Variants in WEE1 observed in about 807,000 individuals in gnomAD.
WEE1 encodes WEE1 G2 checkpoint kinase, also known as wee1-like protein kinase.
WEE1 carries 16 observed loss-of-function variants against 68.8 expected under a neutral mutation model. That is an observed-to-expected ratio of 0.23 (90% CI 0.16 to 0.35). The LOEUF is 0.35. Among genes scored for constraint, WEE1 ranks in the 10% least tolerant of loss-of-function variants. The probability of loss-of-function intolerance (pLI) is 1.00; values close to 1 mark genes in which losing one functional copy is unlikely to be tolerated. For synonymous variants in WEE1, 349 were observed against 318.7 expected (o/e 1.09, Z -1.01); for missense variants, 651 against 824.1 (o/e 0.79, Z 2.57).
In WEE1 at chr11:9,582,628, A is replaced by G. The variant is rs1849640450; in HGVS notation, c.1288+950A>G. On this transcript the variant is annotated intron_variant, in intron 6 of 10. Coordinates refer to ENST00000450114, the MANE Select transcript of WEE1 (RefSeq NM_003390.4). ...GTTGCCCAGGCTGGAGTGCAGTGGC[A>G]CAGTCTCAGCTCTCTGTAACCTCTG... Among the ~76,000 whole-genome samples the G allele has an allele frequency of 2.0e-5, 3 of 152,070 alleles. No homozygotes were observed. The South Asian group carries it at 6.2e-4, about 32-fold the overall frequency.
intron 5 of WEE1, chr11:9,581,199 CATAG>C (rs1310399634): frequency 5.0e-6 from 1 of 200,536 alleles, no homozygotes; most frequent in Non-Finnish European, 9.9e-6. Flanking sequence ...AGCTGGGCAA[CATAG>C]ATAGACCCTG....
At chr11:9,583,846 T>C (rs61876835) in intron 6 of WEE1, among the ~76,000 whole-genome samples, 23,390 of 100,248 alleles carry the variant, frequency 0.23, 3,335 homozygotes, top group Non-Finnish European at 0.31. Flanking sequence ...TATATATATA[T>C]ACTTTTTTTT....
rs1849529581 is a variant in WEE1, at chr11:9,573,711, C to T, written c.-223C>T. Reference sequence around the variant, plus strand: ...ACTGGACCTGAGGAGACCTCAGCCTCGGTGCTCGGGCCGCCCCGCCTCTGC... The same window carrying T: ...ACTGGACCTGAGGAGACCTCAGCCTTGGTGCTCGGGCCGCCCCGCCTCTGC... On this transcript the variant is annotated 5_prime_UTR_variant, in exon 1 of 11. Coordinates refer to ENST00000450114, the MANE Select transcript of WEE1 (RefSeq NM_003390.4). The T allele has an allele frequency of 5.2e-6, 1 of 191,194 alleles. No individual in the cohort carries two copies. Among genetic ancestry groups the T allele is most frequent in the Non-Finnish European group, 1.0e-5 (1 of 95,738 alleles). 11.8% of individuals were successfully genotyped at this position (191,194 alleles called of 1,614,324 possible).
Position 9,574,989 on chromosome 11 carries a change from G to A in WEE1, c.576+480G>A, listed in dbSNP as rs551793822. On this transcript the variant is annotated intron_variant, in intron 1 of 10. Coordinates refer to ENST00000450114, the MANE Select transcript of WEE1 (RefSeq NM_003390.4). This position sits in a 1 kb window ranked among gnomAD's most constrained non-coding sequence, Gnocchi z 4.9. ...CCCTGATCGTGTCGTGTCGTGTGGCGTGGATGGGGGAAAGGTCTGGGGCAT... is the reference window on the plus strand; with the variant it reads ...CCCTGATCGTGTCGTGTCGTGTGGCATGGATGGGGGAAAGGTCTGGGGCAT... 3.4e-4 allele frequency: 339 copies of A among 985,872 alleles called. No individual in the cohort carries two copies. The African/African-American group carries it at 5.6e-3, about 16-fold the overall frequency. 61.1% of individuals were successfully genotyped at this position (985,872 alleles called of 1,614,324 possible).
chr11:9,578,270 G>C, intron 5 of WEE1: 1 of 168,386 alleles, frequency 5.9e-6, no homozygotes, highest in Non-Finnish European at 1.3e-5. Flanking sequence ...AACAAGACCA[G>C]TTATCTCATA....
Position 9,576,063 on chromosome 11 carries a change from G to A in WEE1, c.752G>A (p.Cys251Tyr). 6.2e-7 allele frequency: 1 copy of A among 1,614,150 alleles called. No homozygotes were observed. The highest frequency in any genetic ancestry group is 8.5e-7 in the Non-Finnish European group (1 of 1,180,014). The change falls in exon 2 of 11, where the codon TGT (cysteine) becomes TAT (tyrosine). Residue 251 changes from cysteine (C) to tyrosine (Y), a missense_variant. Around this residue, in one of 5 missense-constraint regions of WEE1, gnomAD observed 395 missense variants for 378.4 expected, o/e 1.04. Coordinates refer to ENST00000450114, the MANE Select transcript of WEE1 (RefSeq NM_003390.4). The surrounding 1 kb of genome is among the most constrained non-coding windows in gnomAD (Gnocchi z 4.3). Reference protein sequence around the residue: ...DSLLLHSSGQCRRRKRTYWND... With the variant: ...DSLLLHSSGQYRRRKRTYWND... ...TTGTTGCTTCATTCCTCAGGACAGT[G>A]TCGTCGTAGAAAGAGAACGTATTGG... is the stretch of plus-strand genomic sequence containing the variant.
At chr11:9,575,062 C>T (rs1849549566) in intron 1 of WEE1, 7 of 985,660 alleles carry the variant, frequency 7.1e-6, no homozygotes, top group Non-Finnish European at 8.4e-6. Context: ...GCCTTCCAAG[C>T]ATTTACAGTC....
Position 9,574,217 on chromosome 11 carries a change from T to C in WEE1, c.284T>C (p.Leu95Pro). 1 of 1,182,538 alleles carries C rather than the reference T, an allele frequency of 8.5e-7. No homozygotes were observed. The highest frequency in any genetic ancestry group is 4.6e-5 in the Admixed American group (1 of 21,760). 73.3% of individuals were successfully genotyped at this position (1,182,538 alleles called of 1,614,324 possible). The change falls in exon 1 of 11, where the codon CTG becomes CCG. Residue 95 changes from leucine to proline, a missense_variant. By Grantham distance (98) the Leu-to-Pro change is moderately conservative. Coordinates refer to ENST00000450114, the MANE Select transcript of WEE1 (RefSeq NM_003390.4). The surrounding 1 kb of genome is among the most constrained non-coding windows in gnomAD (Gnocchi z 4.9). ...GGCGAGCTGGAGGAGGACCTGTTGC[T>C]GCCCGGCGCCTGCCCGGGCGCGGAC... is the stretch of plus-strand genomic sequence containing the variant. ...SPGELEEDLL[L>P]PGACPGADEA...
chr11:9,584,580 A>G lies in WEE1; in HGVS notation c.1289-678A>G, dbSNP rs141193424. On this transcript the variant is annotated intron_variant, in intron 6 of 10. Transcript: ENST00000450114. ...TAGTGAATCACAAAGCCATATTGCA[A>G]GGTAGATGCTATATGGTCAGCCAGA... is the stretch of plus-strand genomic sequence containing the variant. Among the ~76,000 whole-genome samples the G allele has an allele frequency of 1.7e-3, 255 of 152,324 alleles. 1 individual carries two copies. The highest frequency in any genetic ancestry group is 5.9e-3 in the African/African-American group (247 of 41,580).
In WEE1 at chr11:9,574,392, T is replaced by C; in HGVS notation, c.459T>C (p.Gly153=). ...CGGPGDASPR[G]CGARRAGEGR... is the part of the protein sequence containing the mutation. ...GCCCAGGAGATGCGTCGCCGCGGGG[T>C]TGCGGGGCGCGCCGGGCGGGCGAAG... Residue 153 remains glycine (G), a synonymous_variant, in exon 1 of 11, where the codon GGT becomes GGC. Coordinates refer to ENST00000450114, the MANE Select transcript of WEE1 (RefSeq NM_003390.4). The surrounding 1 kb of genome is among the most constrained non-coding windows in gnomAD (Gnocchi z 4.9). 1 of 1,212,436 alleles carries C rather than the reference T, an allele frequency of 8.2e-7. No individual in the cohort carries two copies. Among genetic ancestry groups the C allele is most frequent in the Non-Finnish European group, 1.0e-6 (1 of 979,654 alleles). 75.1% of individuals were successfully genotyped at this position (1,212,436 alleles called of 1,614,324 possible).
At position 9,573,856 on chromosome 11, in the gene WEE1, A is replaced by G. The variant is rs1404096533; in HGVS notation, c.-78A>G. On this transcript the variant is annotated 5_prime_UTR_variant, in exon 1 of 11. Transcript: ENST00000450114. ...AGGCGCGCCCAGCCGCACGTGGCGGACCCGCCCCCAGGCCCGCAGTGTCCT... is the reference window on the plus strand; with the variant it reads ...AGGCGCGCCCAGCCGCACGTGGCGGGCCCGCCCCCAGGCCCGCAGTGTCCT... 1.7e-6 allele frequency: 2 copies of G among 1,147,216 alleles called. No homozygotes were observed. The highest frequency in any genetic ancestry group is 9.0e-5 in the Admixed American group (2 of 22,110). 71.1% of individuals were successfully genotyped at this position (1,147,216 alleles called of 1,614,324 possible). A position where few individuals can be genotyped will look rare whatever the true frequency, so the allele number is the denominator to read the frequency against.
chr11:9,587,073 G>A (rs753353603), intron 10 of WEE1, among the ~76,000 whole-genome samples: 4 of 152,048 alleles, frequency 2.6e-5, no homozygotes, highest in Admixed American at 6.6e-5. Context: ...CTATCCTCCC[G>A]TGTCAGCCTC....
At chr11:9,575,150 G>T in intron 1 of WEE1, 1 of 985,544 alleles carries the variant, frequency 1.0e-6, no homozygotes, top group Non-Finnish European at 1.2e-6. Flanking sequence ...TGTTTTTATC[G>T]TGGGTTTGCG....
At chr11:9,581,480 A>G in intron 5 of WEE1, 52 bp from the exon 6 acceptor site, 7 of 1,534,820 alleles carry the variant, frequency 4.6e-6, no homozygotes, top group Non-Finnish European at 6.1e-6. Flanking sequence ...AAGATGGAAG[A>G]AAGAAAATAT....
intron 5 of WEE1, chr11:9,578,208 TGA>T (rs1849584502): frequency 5.3e-6 from 1 of 189,120 alleles, no homozygotes; most frequent in Non-Finnish European, 1.1e-5. Context: ...AGTGAACACT[TGA>T]GAGGAGATAA....
intron 8 of WEE1, among the ~76,000 whole-genome samples, chr11:9,585,965 CAA>C (rs1849695322): frequency 6.6e-6 from 1 of 152,080 alleles, no homozygotes; most frequent in African/African-American, 2.4e-5. Context: ...CCTATAGTTT[CAA>C]AAGAGTGTGA....
chr11:9,577,448 A>G (rs1208588202), intron 5 of WEE1, 185 bp downstream of exon 5: 9 of 630,066 alleles, frequency 1.4e-5, no homozygotes, highest in Non-Finnish European at 2.1e-5. Flanking sequence ...CCTTGTACAT[A>G]TCTCAGTAGT....
Position 9,587,959 on chromosome 11 carries a change from T to C in WEE1, c.1788-490T>C, listed in dbSNP as rs548481708. On this transcript the variant is annotated intron_variant, in intron 10 of 10. Transcript: ENST00000450114. ...GCAATATAAATTGGAGTTTTTGAAA[T>C]TATTATTTATTTTTAATTTTTTTTT... 2.2e-5 allele frequency among the ~76,000 whole-genome samples: 3 copies of C among 136,442 alleles called. No homozygotes were observed. The South Asian group carries it at 7.5e-4, about 34-fold the overall frequency. 89.5% of individuals were successfully genotyped at this position (136,442 alleles called of 152,430 possible).
intron 5 of WEE1, chr11:9,577,556 C>T (rs941628248): frequency 2.2e-5 from 8 of 363,370 alleles, no homozygotes; most frequent in South Asian, 5.1e-5. Context: ...TAGTACCTAG[C>T]GTAGTGTGTG....
Sources: allele counts gnomAD v4.1 joint callset (sites outside exome capture counted in the v4.1 genomes callset), GRCh38; gene constraint gnomAD v4.1.1; regional missense constraint gnomAD v4.1.1; non-coding constraint Gnocchi (gnomAD v3.1); transcripts MANE v1.5; gene names NCBI Gene and HGNC (gene_info 2026-07-23, HGNC 2026-07-21).